The following ASH1L variants were observed in gnomAD, a reference collection of about 807,000 sequenced individuals.
ASH1L encodes the protein histone-lysine N-methyltransferase ASH1L.
In ASH1L, 23 loss-of-function variants were observed where a neutral mutation model predicts 269.0. That is an observed-to-expected ratio of 0.09 (90% CI 0.06 to 0.12). ASH1L has a LOEUF of 0.12. Ranked by LOEUF, ASH1L falls within the 10% of genes least tolerant of loss-of-function variation. The probability of loss-of-function intolerance (pLI) is 1.00; values close to 1 mark genes in which losing one functional copy is unlikely to be tolerated. For synonymous variants in ASH1L, 1,187 were observed against 1,253.5 expected (o/e 0.95, Z 1.12); for missense variants, 2,912 against 3,567.8 (o/e 0.82, Z 4.68).
At chr1:155,344,808 G>A (rs1653108729) in intron 21 of ASH1L, among the ~76,000 whole-genome samples, 1 of 152,152 alleles carries the variant, frequency 6.6e-6, no homozygotes, top group Non-Finnish European at 1.5e-5. Context: ...TCTCTCCTAT[G>A]AAGTGAGCCT....
At chr1:155,387,171 G>T (rs1159361948) in intron 7 of ASH1L, among the ~76,000 whole-genome samples, 1 of 151,862 alleles carries the variant, frequency 6.6e-6, no homozygotes, top group Non-Finnish European at 1.5e-5. Flanking sequence ...ATGGGATTTT[G>T]CCATGTTGAT....
intron 4 of ASH1L, among the ~76,000 whole-genome samples, chr1:155,444,864 G>A (rs551561411): frequency 7.2e-6 from 1 of 139,516 alleles, no homozygotes; most frequent in Admixed American, 6.7e-5. Flanking sequence ...TGATCCGCCC[G>A]CCTCGGCCTC....
chr1:155,440,204 AG>A (rs1662442411), intron 4 of ASH1L, among the ~76,000 whole-genome samples: 2 of 152,088 alleles, frequency 1.3e-5, no homozygotes, highest in Non-Finnish European at 2.9e-5. Flanking sequence ...TCTACTCAGG[AG>A]GCTGAGGCGG....
chr1:155,389,387 A>G (rs936223014), intron 7 of ASH1L, among the ~76,000 whole-genome samples: 5 of 152,078 alleles, frequency 3.3e-5, no homozygotes, highest in East Asian at 3.9e-4. Flanking sequence ...GACTTTAAAA[A>G]AGAGGCTAGG....
At chr1:155,504,315 C>A (rs1378212779) in intron 2 of ASH1L, among the ~76,000 whole-genome samples, 1 of 151,990 alleles carries the variant, frequency 6.6e-6, no homozygotes, top group African/African-American at 2.4e-5. Flanking sequence ...CCAGTTGTAC[C>A]CTGAATCCCC....
intron 7 of ASH1L, among the ~76,000 whole-genome samples, chr1:155,381,597 C>A (rs764084259): frequency 3.5e-4 from 53 of 151,896 alleles, no homozygotes; most frequent in Non-Finnish European, 5.3e-4. Context: ...CTTGGCTGGG[C>A]GCAATGGTTC....
intron 3 of ASH1L, among the ~76,000 whole-genome samples, chr1:155,469,041 T>A (rs531500730): frequency 6.6e-6 from 1 of 152,280 alleles, no homozygotes; most frequent in Non-Finnish European, 1.5e-5. Flanking sequence ...CTAACTTCCA[T>A]TCCTCAGCCT....
At chr1:155,487,653 G>A (rs149695120) in intron 2 of ASH1L, among the ~76,000 whole-genome samples, 1 of 152,078 alleles carries the variant, frequency 6.6e-6, no homozygotes, top group African/African-American at 2.4e-5. Flanking sequence ...CAAAGTGCTG[G>A]GATTACAGGG....
intron 15 of ASH1L, among the ~76,000 whole-genome samples, chr1:155,355,921 T>C (rs1208162100): frequency 6.6e-6 from 1 of 152,022 alleles, no homozygotes; most frequent in African/African-American, 2.4e-5. Context: ...TTCTGTTTTT[T>C]TTTTTTTTTG....
At chr1:155,421,980 G>A (rs1189928568) in intron 5 of ASH1L, among the ~76,000 whole-genome samples, 1 of 151,966 alleles carries the variant, frequency 6.6e-6, no homozygotes, top group Non-Finnish European at 1.5e-5. Context: ...CATCCTCCCA[G>A]ACAGAATAAC....
Position 155,349,547 on chromosome 1 carries a change from C to T in ASH1L, c.7416G>A (p.Lys2472=). Residue 2472 remains lysine, a synonymous_variant, in exon 18 of 28, where the codon AAG becomes AAA. Transcript: ENST00000392403. ...TCCCACAAATGTGAACCTACTTTTT[C>T]TTTGGGGGAAGGTTCAAAAGTGGAG... is the stretch of plus-strand genomic sequence containing the variant. The part of the protein sequence containing the change: ...LAAPLLNLPP[K]KKNADYYEKI... 1 of 1,613,946 alleles carries T rather than the reference C, an allele frequency of 6.2e-7. No individual in the cohort carries two copies. The highest frequency in any genetic ancestry group is 8.5e-7 in the Non-Finnish European group (1 of 1,179,966).
intron 1 of ASH1L, among the ~76,000 whole-genome samples, chr1:155,532,530 T>A (rs922310272): frequency 6.6e-6 from 1 of 152,118 alleles, no homozygotes; most frequent in South Asian, 2.1e-4. Context: ...GTTATTAATA[T>A]AGTGGTCTGG....
intron 1 of ASH1L, among the ~76,000 whole-genome samples, chr1:155,542,995 T>C (rs367708501): frequency 6.6e-6 from 1 of 151,622 alleles, no homozygotes; most frequent in Admixed American, 6.6e-5. Flanking sequence ...TTACACCTTG[T>C]TATTACTTTT....
rs1382840386 is a variant in ASH1L, at chr1:155,492,702, T to TATTCTCC, written c.421-10254_421-10253insGGAGAAT. On this transcript the variant is annotated intron_variant, in intron 2 of 27. Transcript: ENST00000392403. Reference sequence around the variant, plus strand: ...TATTGTGCCACTAATATATGGATATTATAACTTCATAATAACGTTTGAATA... The same window carrying TATTCTCC: ...TATTGTGCCACTAATATATGGATATTATTCTCCATAACTTCATAATAACGTTTGAATA... Among the ~76,000 whole-genome samples the TATTCTCC allele has an allele frequency of 2.0e-5, 3 of 152,260 alleles. No homozygotes were observed. The East Asian group carries it at 5.8e-4, about 29-fold the overall frequency.
chr1:155,507,109 CCTGT>C (rs1667864948), intron 2 of ASH1L, among the ~76,000 whole-genome samples: 1 of 151,774 alleles, frequency 6.6e-6, no homozygotes. Context: ...ATGGAGAAAC[CCTGT>C]CTATTAAAAA....
intron 2 of ASH1L, among the ~76,000 whole-genome samples, chr1:155,484,935 AAAAAAAAAC>A (rs1393600145): frequency 7.2e-6 from 1 of 138,702 alleles, no homozygotes; most frequent in Non-Finnish European, 1.5e-5. Flanking sequence ...TCTCAAAAAA[AAAAAAAAAC>A]AAAAACAAAA....
intron 21 of ASH1L, among the ~76,000 whole-genome samples, chr1:155,344,823 C>T (rs1312737418): frequency 1.3e-5 from 2 of 152,200 alleles, no homozygotes; most frequent in African/African-American, 2.4e-5. Context: ...GAGCCTAACA[C>T]TAACCTTTGC....
At position 155,480,755 on chromosome 1, in the gene ASH1L, C is replaced by T; in HGVS notation, c.2115G>A (p.Gln705=). ...CTTTTCTTTTTTTTAATGGTTTGGA[C>T]TGCAAACTAGTACTTAGGCTTTCAG... ...QVAESLSTSL[Q]SKPLKKRKGR... The change falls in exon 3 of 28, where the codon CAG becomes CAA. Residue 705 remains glutamine, a synonymous_variant. Transcript: ENST00000392403. The T allele has an allele frequency of 6.2e-7, 1 of 1,613,776 alleles. No homozygotes were observed. The highest frequency in any genetic ancestry group is 1.3e-5 in the African/African-American group (1 of 74,988).
chr1:155,364,951 C>T (rs528572593), intron 12 of ASH1L, among the ~76,000 whole-genome samples: 1 of 149,316 alleles, frequency 6.7e-6, no homozygotes, highest in East Asian at 2.0e-4. Context: ...AAAGGCTGCT[C>T]TGCGCCTATG....
Sources: gnomAD v4.1 joint callset for allele counts (sites outside exome capture counted in the v4.1 genomes callset) on GRCh38, gnomAD v4.1.1 for gene constraint, MANE v1.5 for transcripts, NCBI Gene and HGNC (gene_info 2026-07-23, HGNC 2026-07-21) for gene names.